PTER: variants seen among roughly 807,000 people sequenced by gnomAD.
The protein encoded by PTER is phosphotriesterase related.
In PTER, 38 loss-of-function variants were observed where a neutral mutation model predicts 29.6. The observed-to-expected ratio is 1.28, with a 90% confidence interval of 0.99 to 1.68. The LOEUF is 1.68. Ranked by LOEUF, PTER falls within the 40% of genes most tolerant of loss-of-function variation. The pLI is 0.00. For synonymous variants in PTER, 172 were observed against 154.5 expected, an observed-to-expected ratio of 1.11 and a Z score of -0.84; for missense variants, 482 against 427.8, an observed-to-expected ratio of 1.13 and a Z score of -1.12.
intron 1 of PTER, among the ~76,000 whole-genome samples, chr10:16,440,520 C>G (rs1399854510): frequency 1.3e-5 from 2 of 152,170 alleles, no homozygotes; most frequent in African/African-American, 4.8e-5. Flanking sequence ...GTACAAATAC[C>G]TCTGTGCCTG....
downstream of PTER, chr10:16,514,511 G>C (rs377239962): frequency 1.2e-6 from 2 of 1,606,026 alleles, no homozygotes; most frequent in Non-Finnish European, 1.7e-6. Flanking sequence ...AGAATAATAA[G>C]CTTAGTTTCT....
At chr10:16,513,925 AG>A (rs1836906952), downstream of PTER, 1 of 174,138 alleles carries the variant, frequency 5.7e-6, no homozygotes, top group African/African-American at 2.4e-5. Flanking sequence ...AATGTGAAAA[AG>A]ATCATAGGCT....
Position 16,469,273 on chromosome 10 carries a change from G to T in PTER, c.-48-15064G>T, listed in dbSNP as rs967144663. Among the ~76,000 whole-genome samples, 6 of 152,160 alleles carry T rather than the reference G, an allele frequency of 3.9e-5. 1 individual carries two copies. The highest frequency in any genetic ancestry group is 3.3e-4 in the Admixed American group (5 of 15,274). The stretch of plus-strand genomic sequence containing the variant: ...GAGAAGATAAAAAGTCCAGGAAAGG[G>T]CAGGTGAGTGCAGAGTGGGTTCATA... On this transcript the variant is annotated intron_variant, in intron 1 of 4. Coordinates refer to ENST00000535784, the MANE Select transcript of PTER (RefSeq NM_001261836.2).
In PTER at chr10:16,484,639, G is replaced by A. The variant is rs756323051; in HGVS notation, c.255G>A (p.Leu85=). 9 of 1,614,054 alleles carry A rather than the reference G, an allele frequency of 5.6e-6. No individual in the cohort carries two copies. Among genetic ancestry groups the A allele is most frequent in the Non-Finnish European group, 5.9e-6 (7 of 1,180,030 alleles). The change falls in exon 2 of 5, where the codon TTG becomes TTA. Residue 85 remains leucine, a synonymous_variant. Transcript: ENST00000535784. The stretch of plus-strand genomic sequence containing the variant: ...CAGAAGCCATAAAGGAAGAACTGTT[G>A]TATTTTAAAGCTAATGGTGGAGGGG... ...QETEAIKEEL[L]YFKANGGGAL... is the part of the protein sequence containing the mutation.
At chr10:16,497,182 G>A (rs894314321) in intron 3 of PTER, among the ~76,000 whole-genome samples, 2 of 152,006 alleles carry the variant, frequency 1.3e-5, no homozygotes, top group African/African-American at 2.4e-5. Flanking sequence ...TAATCCACTC[G>A]ACTTGGCCTC....
At chr10:16,438,226 G>A (rs145372119) in intron 1 of PTER, among the ~76,000 whole-genome samples, 3,793 of 151,940 alleles carry the variant, frequency 0.025, 65 homozygotes, top group African/African-American at 0.038. Context: ...GGCTGATCTC[G>A]AACTCCTGAC....
intron 1 of PTER, among the ~76,000 whole-genome samples, chr10:16,444,470 A>G (rs765214200): frequency 7.2e-5 from 11 of 151,870 alleles, no homozygotes; most frequent in African/African-American, 1.2e-4. Flanking sequence ...CCTACAGGGA[A>G]CTTTATTCTC....
At chr10:16,442,066 T>C (rs1833869341) in intron 1 of PTER, among the ~76,000 whole-genome samples, 1 of 152,160 alleles carries the variant, frequency 6.6e-6, no homozygotes, top group Non-Finnish European at 1.5e-5. Flanking sequence ...TTATTTGGTG[T>C]GTGAAGAGCA....
At chr10:16,483,673 C>T (rs570102954) in intron 1 of PTER, among the ~76,000 whole-genome samples, 1 of 152,210 alleles carries the variant, frequency 6.6e-6, no homozygotes, top group African/African-American at 2.4e-5. Context: ...CATAGGGAAA[C>T]CCCATCTCCT....
At chr10:16,468,628 G>A (rs1238119858) in intron 1 of PTER, among the ~76,000 whole-genome samples, 5 of 152,214 alleles carry the variant, frequency 3.3e-5, no homozygotes, top group South Asian at 2.1e-4. Context: ...GGACTGAGAG[G>A]CAAAGATGTG....
intron 1 of PTER, among the ~76,000 whole-genome samples, chr10:16,454,689 CATATA>C (rs1176668039): frequency 5.3e-5 from 8 of 151,670 alleles, no homozygotes; most frequent in Non-Finnish European, 8.8e-5. Flanking sequence ...AATGTCAAGA[CATATA>C]ATATAATTTC....
At chr10:16,502,352 A>G (rs1836383259) in intron 3 of PTER, among the ~76,000 whole-genome samples, 1 of 152,206 alleles carries the variant, frequency 6.6e-6, no homozygotes, top group Non-Finnish European at 1.5e-5. Flanking sequence ...GGAAAACAGA[A>G]TATGTTTTCT....
intron 1 of PTER, among the ~76,000 whole-genome samples, chr10:16,474,683 C>T (rs936942065): frequency 2.0e-5 from 3 of 151,944 alleles, no homozygotes; most frequent in Non-Finnish European, 4.4e-5. Context: ...GTCAGGAGTT[C>T]GAGACCAGCC....
At chr10:16,483,925 G>A (rs1327034129) in intron 1 of PTER, among the ~76,000 whole-genome samples, 5 of 152,148 alleles carry the variant, frequency 3.3e-5, no homozygotes, top group Non-Finnish European at 1.5e-5. Flanking sequence ...AAATGAAACA[G>A]TACTGATACA....
chr10:16,509,584 C>T (rs1836731196), intron 4 of PTER, among the ~76,000 whole-genome samples: 1 of 152,154 alleles, frequency 6.6e-6, no homozygotes, highest in South Asian at 2.1e-4. Context: ...TACTTCTTTG[C>T]AGTTGTGGAT....
rs558480798 is a variant in PTER, at chr10:16,455,166, T to C, written c.-49+18119T>C. The stretch of plus-strand genomic sequence containing the variant: ...ATCACTTGAGCCTGGGAGTCAGAGG[T>C]TGCAGTGAGCTATAATCATGCCACT... On this transcript the variant is annotated intron_variant, in intron 1 of 4. Coordinates refer to ENST00000535784, the MANE Select transcript of PTER (RefSeq NM_001261836.2). Among the ~76,000 whole-genome samples the C allele has an allele frequency of 5.3e-5, 8 of 152,032 alleles. No individual in the cohort carries two copies. The South Asian group carries it at 8.3e-4, about 16-fold the overall frequency.
intron 1 of PTER, among the ~76,000 whole-genome samples, chr10:16,459,513 T>C (rs187584996): frequency 4.1e-4 from 63 of 152,250 alleles, no homozygotes; most frequent in African/African-American, 1.5e-3. Flanking sequence ...ATATCGATTA[T>C]TTTTAAAAAA....
Position 16,489,660 on chromosome 10 carries a change from A to G in PTER, c.698+3043A>G, listed in dbSNP as rs945039573. ...ATTGTGGTAAAATGTGCATAACATA[A>G]AATTTATCATCTTTTAAACATTTTG... On this transcript the variant is annotated intron_variant, in intron 3 of 4. Coordinates refer to ENST00000535784, the MANE Select transcript of PTER (RefSeq NM_001261836.2). Among the ~76,000 whole-genome samples, 3 of 152,150 alleles carry G rather than the reference A, an allele frequency of 2.0e-5. No homozygotes were observed. The South Asian group carries it at 6.2e-4, about 32-fold the overall frequency.
chr10:16,471,107 G>A (rs892133366), intron 1 of PTER, among the ~76,000 whole-genome samples: 5 of 152,160 alleles, frequency 3.3e-5, no homozygotes, highest in South Asian at 2.1e-4. Context: ...ATCAGTCGGC[G>A]ATGGACTACC....
Sources: gnomAD v4.1 joint callset for allele counts (sites outside exome capture counted in the v4.1 genomes callset) on GRCh38, gnomAD v4.1.1 for gene constraint, MANE v1.5 for transcripts, NCBI Gene and HGNC (gene_info 2026-07-23, HGNC 2026-07-21) for gene names.